LIMCH1: variants seen among roughly 807,000 people sequenced by gnomAD.
The protein encoded by LIMCH1 is LIM and calponin homology domains 1.
A neutral mutation model predicts 176.5 loss-of-function variants in LIMCH1; 113 were observed. The ratio of observed to expected loss-of-function variants is 0.64; its 90% CI spans 0.55 to 0.75. LIMCH1 has a LOEUF of 0.75. LIMCH1 is among the 30% of genes least tolerant of loss of function. LIMCH1 has a pLI of 0.00. For synonymous variants in LIMCH1, 619 were observed against 645.9 expected (o/e 0.96, Z 0.63); for missense variants, 1,674 against 1,814.9 (o/e 0.92, Z 1.41).
At chr4:41,465,290 C>T (rs556858402) in intron 1 of LIMCH1, among the ~76,000 whole-genome samples, 45 of 152,212 alleles carry the variant, frequency 3.0e-4, no homozygotes, top group Non-Finnish European at 4.3e-4. Flanking sequence ...CACCTGCCCC[C>T]GCATTTGTTC....
At chr4:41,681,372 C>G (rs543879466) in intron 25 of LIMCH1, among the ~76,000 whole-genome samples, 1 of 152,300 alleles carries the variant, frequency 6.6e-6, no homozygotes, top group African/African-American at 2.4e-5. Flanking sequence ...TGTGGAATAT[C>G]CTTCTCACAG....
intron 22 of LIMCH1, 57 bp downstream of exon 22, chr4:41,671,651 C>T (rs1349765641): frequency 6.1e-6 from 8 of 1,306,894 alleles, no homozygotes; most frequent in East Asian, 2.3e-5. Flanking sequence ...TAATTTATAA[C>T]ATTTGATTGG....
intron 23 of LIMCH1, among the ~76,000 whole-genome samples, chr4:41,676,931 T>C (rs1177833759): frequency 6.6e-6 from 1 of 151,896 alleles, no homozygotes; most frequent in Non-Finnish European, 1.5e-5. Flanking sequence ...GGGAGGCCGA[T>C]GTGAGTGCAT....
At chr4:41,379,569 A>G (rs2055319314) in intron 1 of LIMCH1, among the ~76,000 whole-genome samples, 1 of 152,228 alleles carries the variant, frequency 6.6e-6, no homozygotes, top group Admixed American at 6.5e-5. Context: ...GAGGAGTATC[A>G]AAGAATCTGT....
intron 1 of LIMCH1, among the ~76,000 whole-genome samples, chr4:41,399,194 C>T (rs769446498): frequency 1.1e-4 from 16 of 152,020 alleles, no homozygotes; most frequent in Non-Finnish European, 2.1e-4. Context: ...TGCAAATCAG[C>T]CTGTTGTTTA....
intron 22 of LIMCH1, among the ~76,000 whole-genome samples, chr4:41,675,154 A>G (rs1423484968): frequency 6.6e-6 from 1 of 152,164 alleles, no homozygotes; most frequent in Non-Finnish European, 1.5e-5. Flanking sequence ...AAATATATTA[A>G]AGTTCTAAAT....
At chr4:41,475,100 T>C (rs745474778) in intron 1 of LIMCH1, among the ~76,000 whole-genome samples, 1 of 152,178 alleles carries the variant, frequency 6.6e-6, no homozygotes, top group African/African-American at 2.4e-5. Context: ...GTGGAGACCT[T>C]TGCTTTTGTT....
chr4:41,528,149 A>G (rs1013592886), intron 3 of LIMCH1, among the ~76,000 whole-genome samples: 3 of 152,078 alleles, frequency 2.0e-5, no homozygotes. Flanking sequence ...CCAATCCTCA[A>G]TATGTTTAGC....
intron 1 of LIMCH1, among the ~76,000 whole-genome samples, chr4:41,387,193 A>G (rs2056605174): frequency 6.6e-6 from 1 of 152,236 alleles, no homozygotes; most frequent in South Asian, 2.1e-4. Context: ...AATACAGAAA[A>G]TGAGAATGTA....
At chr4:41,368,799 A>G (rs2053508712) in intron 1 of LIMCH1, among the ~76,000 whole-genome samples, 1 of 152,174 alleles carries the variant, frequency 6.6e-6, no homozygotes, top group South Asian at 2.1e-4. Context: ...ATGATGATCC[A>G]CTGTCCATTT....
intron 21 of LIMCH1, among the ~76,000 whole-genome samples, chr4:41,667,865 C>G (rs970053965): frequency 2.0e-5 from 3 of 151,888 alleles, no homozygotes; most frequent in African/African-American, 7.3e-5. Context: ...GATGCAGTGG[C>G]TCACACCTGT....
intron 1 of LIMCH1, among the ~76,000 whole-genome samples, chr4:41,364,606 A>ATCT (rs2052684731): frequency 6.6e-6 from 1 of 152,214 alleles, no homozygotes; most frequent in African/African-American, 2.4e-5. Flanking sequence ...ATCTACTCAT[A>ATCT]AAGTGATCTT....
At chr4:41,686,386 C>T (rs1311273305) in intron 28 of LIMCH1, among the ~76,000 whole-genome samples, 1 of 152,102 alleles carries the variant, frequency 6.6e-6, no homozygotes, top group Non-Finnish European at 1.5e-5. Context: ...ATTGTTCCTG[C>T]CATTTTACAG....
chr4:41,616,635 C>T (rs1007818436), intron 5 of LIMCH1, among the ~76,000 whole-genome samples: 3 of 152,098 alleles, frequency 2.0e-5, no homozygotes, highest in Non-Finnish European at 4.4e-5. Context: ...AGTAGATTTC[C>T]ATGTTCACAG....
chr4:41,445,131 G>T (rs781448928), intron 1 of LIMCH1, among the ~76,000 whole-genome samples: 2 of 147,138 alleles, frequency 1.4e-5, no homozygotes, highest in African/African-American at 5.0e-5. Flanking sequence ...TCAGCCTCCC[G>T]AGTAGCTGGA....
At chr4:41,453,355 C>T (rs2064133278) in intron 1 of LIMCH1, among the ~76,000 whole-genome samples, 1 of 152,184 alleles carries the variant, frequency 6.6e-6, no homozygotes, top group African/African-American at 2.4e-5. Flanking sequence ...GCTAATAGCC[C>T]ACTATTGACC....
At chr4:41,399,679 G>T (rs2058167906) in intron 1 of LIMCH1, among the ~76,000 whole-genome samples, 1 of 57,426 alleles carries the variant, frequency 1.7e-5, no homozygotes, top group Admixed American at 2.2e-4. Flanking sequence ...CTATGAGGTG[G>T]ATACTCTTTT....
At chr4:41,432,109 G>A (rs987566702) in intron 1 of LIMCH1, among the ~76,000 whole-genome samples, 2 of 152,196 alleles carry the variant, frequency 1.3e-5, no homozygotes, top group Non-Finnish European at 2.9e-5. Context: ...ATTTAAATCC[G>A]TGATTGTTTG....
At chr4:41,454,477 G>A (rs2064291779) in intron 1 of LIMCH1, among the ~76,000 whole-genome samples, 1 of 152,078 alleles carries the variant, frequency 6.6e-6, no homozygotes, top group African/African-American at 2.4e-5. Flanking sequence ...GAGAGAGGGA[G>A]AGAGAGAGAA....
Sources: gnomAD v4.1 joint callset for allele counts (sites outside exome capture counted in the v4.1 genomes callset) on GRCh38, gnomAD v4.1.1 for gene constraint, MANE v1.5 for transcripts, NCBI Gene and HGNC (gene_info 2026-07-23, HGNC 2026-07-21) for gene names.